Variants in PHLDB2 observed in about 807,000 individuals in gnomAD.
PHLDB2 encodes the protein pleckstrin homology-like domain family B member 2.
In PHLDB2, 71 loss-of-function variants were observed where a neutral mutation model predicts 123.6. The ratio of observed to expected loss-of-function variants is 0.57; its 90% CI spans 0.47 to 0.70. The LOEUF (loss-of-function observed/expected upper bound fraction) is 0.70, where lower values mean the gene tolerates loss of function less well. Among genes scored for constraint, PHLDB2 ranks in the 30% least tolerant of loss-of-function variants. PHLDB2 has a pLI of 0.00. For missense variants in PHLDB2, 1,446 were observed against 1,519.5 expected, an observed-to-expected ratio of 0.95 and a Z score of 0.80; for synonymous variants, 547 against 541.6, an observed-to-expected ratio of 1.01 and a Z score of -0.14.
Position 111,966,688 on chromosome 3 carries a change from G to T in PHLDB2, c.3153G>T (p.Arg1051=), listed in dbSNP as rs767091850. The T allele has an allele frequency of 1.3e-5, 21 of 1,612,840 alleles. No homozygotes were observed. The highest frequency in any genetic ancestry group is 5.0e-5 in the Admixed American group (3 of 59,842). Residue 1051 remains arginine, a synonymous_variant, in exon 14 of 18, where the codon CGG becomes CGT. Transcript: ENST00000431670. ...AGCAGGCTCATGCAGAAAAGACGCG[G>T]CTGCTCGAATCCAGGGTAAGCTTCA... ...LLKQAHAEKT[R]LLESREREME... is the part of the protein sequence containing the mutation.
chr3:111,756,161 C>T (rs1264004032), intron 1 of PHLDB2, among the ~76,000 whole-genome samples: 3 of 151,862 alleles, frequency 2.0e-5, no homozygotes, highest in Non-Finnish European at 2.9e-5. Context: ...CAGTAGATGT[C>T]TATTAGGTCC....
chr3:111,961,997 G>A (rs772387696), intron 12 of PHLDB2, 111 bp from the exon 13 acceptor site: 65 of 1,003,348 alleles, frequency 6.5e-5, no homozygotes, highest in Non-Finnish European at 9.4e-5. Context: ...TTAGACCAAG[G>A]CCCAAGCTTC....
At chr3:111,937,534 C>T (rs2069573656) in intron 6 of PHLDB2, among the ~76,000 whole-genome samples, 1 of 151,876 alleles carries the variant, frequency 6.6e-6, no homozygotes, top group South Asian at 2.1e-4. Flanking sequence ...TGAGTGGATC[C>T]ATGTGAGTAG....
chr3:111,805,491 G>T (rs988042168), intron 1 of PHLDB2, among the ~76,000 whole-genome samples: 2 of 150,252 alleles, frequency 1.3e-5, no homozygotes, highest in Admixed American at 1.3e-4. Flanking sequence ...AACCTGGGAG[G>T]CGGAGCTTGC....
chr3:111,915,207 A>G (rs1395721567), intron 3 of PHLDB2: 1 of 152,164 alleles, frequency 6.6e-6, no homozygotes, highest in Non-Finnish European at 1.5e-5. Context: ...AGAAGGACAC[A>G]TTGACTCTTT....
chr3:111,960,274 A>G, intron 12 of PHLDB2: 1 of 268,940 alleles, frequency 3.7e-6, no homozygotes, highest in Non-Finnish European at 5.7e-6. Context: ...TGCTGTGTGG[A>G]TTGATCATTA....
At chr3:111,870,782 C>T (rs973962047) in intron 1 of PHLDB2, among the ~76,000 whole-genome samples, 1 of 152,168 alleles carries the variant, frequency 6.6e-6, no homozygotes, top group African/African-American at 2.4e-5. Flanking sequence ...AATTACATGT[C>T]ATCAGTGCAT....
chr3:111,877,457 C>T (rs1475713870), intron 1 of PHLDB2, among the ~76,000 whole-genome samples: 1 of 152,008 alleles, frequency 6.6e-6, no homozygotes, highest in East Asian at 1.9e-4. Flanking sequence ...TTTGTAGATT[C>T]TGGATATTAG....
At chr3:111,794,250 G>T (rs943444736) in intron 1 of PHLDB2, among the ~76,000 whole-genome samples, 1 of 149,048 alleles carries the variant, frequency 6.7e-6, no homozygotes, top group Non-Finnish European at 1.5e-5. Context: ...TTTCTGCCCT[G>T]CTTTACTTTC....
intron 1 of PHLDB2, among the ~76,000 whole-genome samples, chr3:111,826,702 G>A (rs889591747): frequency 6.6e-6 from 1 of 152,200 alleles, no homozygotes; most frequent in Non-Finnish European, 1.5e-5. Context: ...GCCAGGGTAG[G>A]AATGCAGGAT....
intron 1 of PHLDB2, among the ~76,000 whole-genome samples, chr3:111,873,338 T>C (rs1057164711): frequency 1.3e-5 from 2 of 152,234 alleles, no homozygotes; most frequent in Non-Finnish European, 2.9e-5. Context: ...GTAGGGAATC[T>C]GTATTGTAGT....
chr3:111,813,661 A>G (rs1373953057), intron 1 of PHLDB2, among the ~76,000 whole-genome samples: 1 of 152,234 alleles, frequency 6.6e-6, no homozygotes, highest in African/African-American at 2.4e-5. Context: ...ATTGCTAATA[A>G]TTATAAACCA....
intron 1 of PHLDB2, among the ~76,000 whole-genome samples, chr3:111,770,062 C>T (rs2060148222): frequency 6.6e-6 from 1 of 152,142 alleles, no homozygotes; most frequent in South Asian, 2.1e-4. Context: ...AGAGAAAAAG[C>T]AGGATCTTCA....
chr3:111,959,463 G>A lies in PHLDB2; in HGVS notation c.2873-2645G>A, dbSNP rs549664694. 3.3e-5 allele frequency among the ~76,000 whole-genome samples: 5 copies of A among 152,312 alleles called. No homozygotes were observed. In the East Asian group the frequency reaches 9.6e-4, roughly 29 times the overall value. On this transcript the variant is annotated intron_variant, in intron 12 of 17. Transcript: ENST00000431670. The stretch of plus-strand genomic sequence containing the variant: ...GTTGGGAAAAAGATGCTTATTATTG[G>A]CCTCATGCTTTTTCGTTTAAGTTGC...
intron 17 of PHLDB2, 100 bp downstream of exon 17, chr3:111,973,917 A>G (rs1274488616): frequency 2.3e-5 from 16 of 708,326 alleles, no homozygotes; most frequent in Middle Eastern, 2.6e-4. Flanking sequence ...GTTCTGATGT[A>G]ACAGATAGAT....
chr3:111,939,528 GCAGCTTGAA>G lies in PHLDB2; in HGVS notation c.2187_2195del (p.Gln729_Glu731del). 1 of 1,613,724 alleles carries G rather than the reference GCAGCTTGAA, an allele frequency of 6.2e-7. No homozygotes were observed. The highest frequency in any genetic ancestry group is 8.5e-7 in the Non-Finnish European group (1 of 1,179,816). On this transcript the variant is annotated inframe_deletion, in exon 7 of 18. Coordinates refer to ENST00000431670, the MANE Select transcript of PHLDB2 (RefSeq NM_001134438.2). ...AACACTTTGAAGACCTGGAGTTCCA[GCAGCTTGAA>G]CATGAGAGCCGTCTAGATGAAGAAA...
intron 1 of PHLDB2, among the ~76,000 whole-genome samples, chr3:111,792,485 C>T (rs1030440207): frequency 3.3e-5 from 5 of 152,058 alleles, no homozygotes; most frequent in Non-Finnish European, 7.4e-5. Flanking sequence ...GTGGAAGAAT[C>T]GCTTGAGCCC....
upstream of PHLDB2, among the ~76,000 whole-genome samples, chr3:111,856,245 T>G (rs545860285): frequency 6.6e-6 from 1 of 152,212 alleles, no homozygotes; most frequent in South Asian, 2.1e-4. Flanking sequence ...GATTACTTTT[T>G]GTCTAGTAAT....
At position 111,884,396 on chromosome 3, in the gene PHLDB2, C is replaced by T. The variant is rs754629347; in HGVS notation, c.319C>T (p.Pro107Ser). ...AACTGACAAAAATATTCCTATGAAA[C>T]CTCCAACTCCTTTACTCAACACTAC... ...DGTDKNIPMK[P>S]PTPLLNTTSS... Residue 107 changes from proline to serine, a missense_variant, in exon 2 of 18, where the codon CCT (proline) becomes TCT (serine). Around this residue, in one of 3 missense-constraint regions of PHLDB2, gnomAD observed 832 missense variants for 831.9 expected, o/e 1.00. Coordinates refer to ENST00000431670, the MANE Select transcript of PHLDB2 (RefSeq NM_001134438.2). 2.5e-6 allele frequency: 4 copies of T among 1,614,134 alleles called. 1 individual carries two copies. The South Asian group carries it at 4.4e-5, about 18-fold the overall frequency.
Sources: gnomAD v4.1 joint callset for allele counts (sites outside exome capture counted in the v4.1 genomes callset) on GRCh38, gnomAD v4.1.1 for gene constraint, gnomAD v4.1.1 regional missense constraint, MANE v1.5 for transcripts, NCBI Gene and HGNC (gene_info 2026-07-23, HGNC 2026-07-21) for gene names.